SAMMSON: variants seen among roughly 807,000 people sequenced by gnomAD.
SAMMSON encodes survival associated mitochondrial melanoma specific oncogenic non-coding RNA.
chr3:70,189,374 A>C (rs1294217553), intron 4 of SAMMSON, among the ~76,000 whole-genome samples: 4 of 152,196 alleles, frequency 2.6e-5, no homozygotes, highest in Non-Finnish European at 5.9e-5. Flanking sequence ...CTAAGTTCTA[A>C]GCCATGCAAA....
chr3:70,014,646 C>T (rs1047929905), intron 3 of SAMMSON: 5 of 152,190 alleles, frequency 3.3e-5, no homozygotes, highest in Non-Finnish European at 5.9e-5. Context: ...AAAGGGGCCA[C>T]TTATGGAGAA....
chr3:70,032,663 C>T (rs1231910799), intron 3 of SAMMSON, among the ~76,000 whole-genome samples: 6 of 152,154 alleles, frequency 3.9e-5, no homozygotes, highest in Non-Finnish European at 7.3e-5. Flanking sequence ...CATGGAATGG[C>T]TTAGGATAAG....
chr3:70,057,250 A>G (rs2067171105), intron 3 of SAMMSON, among the ~76,000 whole-genome samples: 1 of 152,014 alleles, frequency 6.6e-6, no homozygotes. Flanking sequence ...TATTCTTTAA[A>G]TATGCCCTTC....
chr3:70,251,900 G>C (rs1199289164), intron 6 of SAMMSON, among the ~76,000 whole-genome samples: 1 of 152,144 alleles, frequency 6.6e-6, no homozygotes, highest in Non-Finnish European at 1.5e-5. Context: ...TGAAATTTGG[G>C]ATGTCTTGTT....
chr3:70,365,854 A>G (rs976762253), intron 9 of SAMMSON, among the ~76,000 whole-genome samples: 2 of 151,512 alleles, frequency 1.3e-5, no homozygotes, highest in Non-Finnish European at 3.0e-5. Flanking sequence ...TAAAATTTAC[A>G]TATATTAAAA....
intron 4 of SAMMSON, among the ~76,000 whole-genome samples, chr3:70,145,277 C>T (rs1343810152): frequency 6.6e-6 from 1 of 152,116 alleles, no homozygotes; most frequent in Non-Finnish European, 1.5e-5. Context: ...TAAACTTCCT[C>T]TTAAAGCAAT....
chr3:70,013,101 T>C (rs898316197), intron 2 of SAMMSON, among the ~76,000 whole-genome samples: 17 of 152,142 alleles, frequency 1.1e-4, no homozygotes, highest in African/African-American at 4.8e-5. Flanking sequence ...AACTACCTGT[T>C]CCTTTATTTA....
intron 4 of SAMMSON, among the ~76,000 whole-genome samples, chr3:70,235,618 T>G (rs1407186447): frequency 6.6e-6 from 1 of 152,218 alleles, no homozygotes; most frequent in Non-Finnish European, 1.5e-5. Flanking sequence ...ATCCTGGTTT[T>G]TCTCCTCTTT....
intron 4 of SAMMSON, among the ~76,000 whole-genome samples, chr3:70,200,083 A>G (rs1701223432): frequency 6.6e-6 from 1 of 152,044 alleles, no homozygotes; most frequent in South Asian, 2.1e-4. Flanking sequence ...CATGCAATTC[A>G]TTGCTGAGTC....
chr3:70,419,013 C>A (rs1701289860), intron 2 of SAMMSON, among the ~76,000 whole-genome samples: 1 of 123,652 alleles, frequency 8.1e-6, no homozygotes, highest in Non-Finnish European at 1.6e-5. Context: ...TTCTTTCTTT[C>A]TTTCCTTCTT....
intron 9 of SAMMSON, among the ~76,000 whole-genome samples, chr3:70,375,424 G>A (rs533332248): frequency 4.7e-5 from 7 of 147,622 alleles, no homozygotes; most frequent in Non-Finnish European, 8.9e-5. Context: ...TTTGCCACAA[G>A]TGTTGGTGTC....
chr3:70,379,431 C>G (rs988171691), intron 9 of SAMMSON, among the ~76,000 whole-genome samples: 2 of 152,120 alleles, frequency 1.3e-5, no homozygotes, highest in Admixed American at 6.5e-5. Flanking sequence ...CTCCTGGGAT[C>G]AACACCTGTG....
intron 2 of SAMMSON, among the ~76,000 whole-genome samples, chr3:70,410,544 A>T (rs1701210005): frequency 6.6e-6 from 1 of 152,240 alleles, no homozygotes; most frequent in African/African-American, 2.4e-5. Context: ...AGAAACAAAC[A>T]AGTTAGAGAA....
At position 70,080,857 on chromosome 3, in the gene SAMMSON, C is replaced by T. The variant is rs537456743; in HGVS notation, n.507+9292C>T. Among the ~76,000 whole-genome samples, 15 of 152,134 alleles carry T rather than the reference C, an allele frequency of 9.9e-5. No homozygotes were observed. The East Asian group carries it at 2.7e-3, about 27-fold the overall frequency. On this transcript the variant is annotated intron_variant and non_coding_transcript_variant, in intron 4 of 9. Coordinates refer to ENST00000642114, the Ensembl canonical transcript of SAMMSON. The stretch of plus-strand genomic sequence containing the variant: ...GTGTGAAAAAAGATCCAGCTGATAA[C>T]CTTTGAAGATGTGGTTCCTGTGCTT...
intron 6 of SAMMSON, among the ~76,000 whole-genome samples, chr3:70,267,340 C>A (rs1306451492): frequency 6.6e-6 from 1 of 150,542 alleles, no homozygotes; most frequent in Admixed American, 6.6e-5. Flanking sequence ...TCCATGAGAC[C>A]TACCTTTACA....
chr3:70,218,414 G>A (rs6549299), intron 4 of SAMMSON, among the ~76,000 whole-genome samples: 150,025 of 152,228 alleles, frequency 0.99, 73,959 homozygotes, highest in East Asian at 1. Flanking sequence ...AAGCTTTACA[G>A]TAAAAAATCT....
chr3:70,307,828 A>G (rs1319612044), intron 7 of SAMMSON, among the ~76,000 whole-genome samples: 1 of 152,046 alleles, frequency 6.6e-6, no homozygotes, highest in Non-Finnish European at 1.5e-5. Context: ...TCAGCACTCA[A>G]TCGGTTTTCT....
At chr3:70,005,726 A>G (rs748706002) in intron 1 of SAMMSON, among the ~76,000 whole-genome samples, 3 of 151,634 alleles carry the variant, frequency 2.0e-5, no homozygotes, top group African/African-American at 7.3e-5. Flanking sequence ...ACTATTCACC[A>G]CTCTCCCTTA....
intron 4 of SAMMSON, among the ~76,000 whole-genome samples, chr3:70,145,684 G>C (rs2067546197): frequency 6.6e-6 from 1 of 151,936 alleles, no homozygotes; most frequent in South Asian, 2.1e-4. Context: ...AAAATTTGTG[G>C]GTTGTAGCTA....
Sources: gnomAD v4.1 joint callset for allele counts (sites outside exome capture counted in the v4.1 genomes callset) on GRCh38, gnomAD v4.1.1 for gene constraint, MANE v1.5 for transcripts, NCBI Gene and HGNC (gene_info 2026-07-23, HGNC 2026-07-21) for gene names.